Variants in EYA1 observed in about 807,000 individuals in gnomAD.
EYA1 encodes protein phosphatase EYA1.
In EYA1, 16 loss-of-function variants were observed where a neutral mutation model predicts 82.0. The observed-to-expected ratio is 0.20, with a 90% confidence interval of 0.13 to 0.30. The LOEUF (loss-of-function observed/expected upper bound fraction) is 0.30. EYA1 is among the 10% of genes least tolerant of loss of function. The pLI is 1.00. For missense variants in EYA1, 633 were observed against 730.7 expected, an observed-to-expected ratio of 0.87 and a Z score of 1.54; for synonymous variants, 261 against 264.4, an observed-to-expected ratio of 0.99 and a Z score of 0.12.
intron 2 of EYA1, among the ~76,000 whole-genome samples, chr8:71,513,575 C>A (rs905765907): frequency 6.6e-6 from 1 of 152,006 alleles, no homozygotes; most frequent in Admixed American, 6.6e-5. Context: ...GCAACCATCC[C>A]CTCAAGCATT....
intron 2 of EYA1, among the ~76,000 whole-genome samples, chr8:71,379,433 G>A (rs1456160667): frequency 6.6e-6 from 1 of 152,080 alleles, no homozygotes; most frequent in Non-Finnish European, 1.5e-5. Flanking sequence ...GGAGAAGTCA[G>A]AACCATCAGG....
chr8:71,325,993 T>C (rs1823103378), intron 4 of EYA1, among the ~76,000 whole-genome samples: 1 of 152,294 alleles, frequency 6.6e-6, no homozygotes, highest in East Asian at 1.9e-4. Context: ...CCCCAGATCA[T>C]CTATCAAGGT....
intron 2 of EYA1, among the ~76,000 whole-genome samples, chr8:71,425,515 T>A (rs2129154471): frequency 6.6e-6 from 1 of 152,260 alleles, no homozygotes; most frequent in South Asian, 2.1e-4. Context: ...TGATTAAACA[T>A]CCCTTCCACA....
intron 2 of EYA1, among the ~76,000 whole-genome samples, chr8:71,435,045 G>A (rs1805901871): frequency 6.6e-6 from 1 of 151,978 alleles, no homozygotes; most frequent in South Asian, 2.1e-4. Context: ...TCTGAAAATG[G>A]GCAAATGCAT....
At chr8:71,425,104 CA>C (rs71264555) in intron 2 of EYA1, among the ~76,000 whole-genome samples, 17,710 of 75,190 alleles carry the variant, frequency 0.24, 1,074 homozygotes, top group Middle Eastern at 0.29. Context: ...ACTAAAAATA[CA>C]AAAAAAAAAA....
At chr8:71,444,726 T>G (rs371417058) in intron 2 of EYA1, among the ~76,000 whole-genome samples, 8 of 152,308 alleles carry the variant, frequency 5.3e-5, no homozygotes, top group African/African-American at 1.7e-4. Flanking sequence ...AGCCAGAATT[T>G]TATATCTGAA....
At chr8:71,224,275 AAACT>A (rs1199447403) in intron 12 of EYA1, among the ~76,000 whole-genome samples, 2 of 152,252 alleles carry the variant, frequency 1.3e-5, no homozygotes, top group East Asian at 1.9e-4. Flanking sequence ...TACCATGAGA[AAACT>A]AACACCATAC....
intron 2 of EYA1, among the ~76,000 whole-genome samples, chr8:71,459,727 T>A (rs1283818639): frequency 6.6e-6 from 1 of 152,120 alleles, no homozygotes; most frequent in Non-Finnish European, 1.5e-5. Flanking sequence ...AGTTATGTGT[T>A]TTTTATTTGT....
In EYA1 at chr8:71,521,664, AT is replaced by A. The variant is rs1813410775; in HGVS notation, c.33+14079del. On this transcript the variant is annotated intron_variant, in intron 2 of 18. Coordinates refer to the EYA1 transcript ENST00000643681. ...TAACATATATTTTTAAACCATCAAA[AT>A]CTAAACATACTTCTTTTTTCCCCCA... 2.6e-5 allele frequency among the ~76,000 whole-genome samples: 4 copies of A among 152,316 alleles called. No individual in the cohort carries two copies. The South Asian group carries it at 8.3e-4, about 32-fold the overall frequency.
At chr8:71,413,086 A>C (rs911087112) in intron 2 of EYA1, among the ~76,000 whole-genome samples, 4 of 152,208 alleles carry the variant, frequency 2.6e-5, no homozygotes, top group Non-Finnish European at 5.9e-5. Flanking sequence ...ATGGAGTGAG[A>C]GGAGGGTGGA....
intron 2 of EYA1, among the ~76,000 whole-genome samples, chr8:71,507,520 A>T (rs541275987): frequency 1.3e-5 from 2 of 152,334 alleles, no homozygotes; most frequent in South Asian, 4.1e-4. Flanking sequence ...TCTCACTCCT[A>T]GGAATTCATC....
At chr8:71,470,206 T>C (rs1440909398) in intron 2 of EYA1, among the ~76,000 whole-genome samples, 1 of 152,144 alleles carries the variant, frequency 6.6e-6, no homozygotes, top group East Asian at 1.9e-4. Context: ...AGTAGATCTA[T>C]GCAATTGCTT....
At chr8:71,258,882 A>G (rs773743591) in intron 11 of EYA1, among the ~76,000 whole-genome samples, 1 of 152,188 alleles carries the variant, frequency 6.6e-6, no homozygotes, top group Non-Finnish European at 1.5e-5. Flanking sequence ...TGTTGTAGTC[A>G]TGTTCGTGAG....
At chr8:71,393,308 T>C (rs1446574647) in intron 2 of EYA1, among the ~76,000 whole-genome samples, 1 of 152,050 alleles carries the variant, frequency 6.6e-6, no homozygotes, top group East Asian at 1.9e-4. Context: ...TTATTATTAT[T>C]ATTATACTTT....
chr8:71,297,425 A>G (rs1819713088), intron 9 of EYA1, among the ~76,000 whole-genome samples: 1 of 151,988 alleles, frequency 6.6e-6, no homozygotes, highest in African/African-American at 2.4e-5. Context: ...TCAACAGTTT[A>G]TTTACAATGT....
At chr8:71,314,490 T>G (rs1029175710) in intron 7 of EYA1, among the ~76,000 whole-genome samples, 2 of 152,206 alleles carry the variant, frequency 1.3e-5, no homozygotes, top group African/African-American at 4.8e-5. Flanking sequence ...TTATCTGAAA[T>G]GCTTGGGACC....
chr8:71,447,231 A>G (rs1175223133), intron 2 of EYA1, among the ~76,000 whole-genome samples: 1 of 151,836 alleles, frequency 6.6e-6, no homozygotes, highest in Non-Finnish European at 1.5e-5. Flanking sequence ...CTTTTAATCA[A>G]TCCAAATACA....
At chr8:71,495,429 C>T (rs1272361685) in intron 2 of EYA1, among the ~76,000 whole-genome samples, 2 of 152,002 alleles carry the variant, frequency 1.3e-5, no homozygotes, top group Admixed American at 6.6e-5. Context: ...ACCTGGCCAG[C>T]ATGGTGAAAC....
chr8:71,342,286 C>T (rs767803160), intron 3 of EYA1, among the ~76,000 whole-genome samples: 1 of 152,208 alleles, frequency 6.6e-6, no homozygotes, highest in Non-Finnish European at 1.5e-5. Flanking sequence ...TTGGCTCCAA[C>T]TGATCCTTCC....
Sources: allele counts gnomAD v4.1 joint callset (sites outside exome capture counted in the v4.1 genomes callset), GRCh38; gene constraint gnomAD v4.1.1; transcripts MANE v1.5; gene names NCBI Gene and HGNC (gene_info 2026-07-23, HGNC 2026-07-21).